DOCK9: variants seen among roughly 807,000 people sequenced by gnomAD.
DOCK9 encodes dedicator of cytokinesis 9.
A neutral mutation model predicts 263.3 loss-of-function variants in DOCK9; 89 were observed. The ratio of observed to expected loss-of-function variants is 0.34; its 90% CI spans 0.28 to 0.40. The LOEUF is 0.40. DOCK9 is among the 10% of genes least tolerant of loss of function. DOCK9 has a pLI of 1.00. For synonymous variants in DOCK9, 976 were observed against 973.1 expected (o/e 1.00, Z -0.06); for missense variants, 2,140 against 2,603.4 (o/e 0.82, Z 3.87).
intron 15 of DOCK9, among the ~76,000 whole-genome samples, chr13:98,892,715 C>T (rs569994755): frequency 7.2e-5 from 11 of 152,222 alleles, no homozygotes; most frequent in Middle Eastern, 6.8e-3. Flanking sequence ...AAGCTACTTA[C>T]GGCATATGAG....
intron 43 of DOCK9, 74 bp from the exon 44 acceptor site, chr13:98,826,961 TC>T: frequency 8.7e-7 from 1 of 1,154,250 alleles, no homozygotes; most frequent in Non-Finnish European, 1.3e-6. Context: ...CAGACAGAAA[TC>T]TAATCAATGT....
chr13:98,825,828 C>G lies in DOCK9; in HGVS notation c.5023+1002G>C, dbSNP rs745970483. On this transcript the variant is annotated intron_variant, in intron 44 of 52. Coordinates refer to ENST00000682017, the MANE Select transcript of DOCK9 (RefSeq NM_001366683.2). This position sits in a 1 kb window ranked among gnomAD's most constrained non-coding sequence, Gnocchi z 4.1. The stretch of plus-strand genomic sequence containing the variant: ...CCCCCACCACGGGAGGGCACGTGAC[C>G]AGGGCAGGGGGTCCCCGGGGGCTGG... The G allele has an allele frequency of 7.3e-7, 1 of 1,360,622 alleles. No individual in the cohort carries two copies. The highest frequency in any genetic ancestry group is 9.7e-7 in the Non-Finnish European group (1 of 1,032,840). The allele number at this position is 1,360,622 out of a possible 1,614,324, so 84.3% of individuals were successfully genotyped here.
chr13:99,025,853 C>T (rs541803818), intron 1 of DOCK9, among the ~76,000 whole-genome samples: 4 of 152,316 alleles, frequency 2.6e-5, no homozygotes, highest in Admixed American at 2.6e-4. Flanking sequence ...ATATTATGTA[C>T]CAACTTTTAA....
At chr13:99,047,092 T>A (rs1242560087) in intron 1 of DOCK9, among the ~76,000 whole-genome samples, 3 of 152,194 alleles carry the variant, frequency 2.0e-5, no homozygotes, top group Admixed American at 6.5e-5. Context: ...GTTGGACTAT[T>A]CATGGGGGTC....
chr13:98,974,638 T>C (rs939603313), intron 1 of DOCK9, among the ~76,000 whole-genome samples: 1 of 149,210 alleles, frequency 6.7e-6, no homozygotes, highest in Non-Finnish European at 1.5e-5. Flanking sequence ...TAATTACAGC[T>C]ACGCAGGAGG....
chr13:98,990,039 C>T (rs1345307779), intron 1 of DOCK9, among the ~76,000 whole-genome samples: 4 of 152,232 alleles, frequency 2.6e-5, no homozygotes, highest in South Asian at 2.1e-4. Context: ...TAGTGTTCTG[C>T]TGCCTACAAT....
intron 1 of DOCK9, among the ~76,000 whole-genome samples, chr13:99,074,991 G>T (rs537016883): frequency 2.7e-4 from 41 of 152,178 alleles, no homozygotes; most frequent in Non-Finnish European, 5.0e-4. Context: ...AATATGTACT[G>T]TAGTTAATTT....
intron 37 of DOCK9, chr13:98,846,442 T>C (rs1038757991): frequency 1.7e-6 from 2 of 1,168,136 alleles, no homozygotes; most frequent in Admixed American, 3.9e-5. Flanking sequence ...TTTTTTTAAT[T>C]AAAAAATGCA....
At chr13:99,060,809 A>C (rs1417793233) in intron 1 of DOCK9, among the ~76,000 whole-genome samples, 2 of 152,188 alleles carry the variant, frequency 1.3e-5, no homozygotes, top group Non-Finnish European at 2.9e-5. Flanking sequence ...TTAGGTCCTG[A>C]CCAGACTGTA....
chr13:99,055,815 C>G (rs935835726), intron 1 of DOCK9, among the ~76,000 whole-genome samples: 1 of 151,648 alleles, frequency 6.6e-6, no homozygotes, highest in African/African-American at 2.4e-5. Context: ...ACACTAGATA[C>G]AGGCTAAGAC....
upstream of DOCK9, among the ~76,000 whole-genome samples, chr13:98,982,936 CGT>C (rs1395588034): frequency 6.6e-6 from 1 of 152,014 alleles, no homozygotes; most frequent in Non-Finnish European, 1.5e-5. Context: ...TACAAATAAA[CGT>C]GTTTTTAGCA....
At chr13:98,915,532 AC>A (rs2050749340) in intron 7 of DOCK9, 29 bp from the exon 8 acceptor site, 1 of 1,585,332 alleles carries the variant, frequency 6.3e-7, no homozygotes, top group Non-Finnish European at 8.6e-7. Context: ...AAACAGACAT[AC>A]TTTAAAAGAA....
At chr13:98,836,596 G>A (rs1007752997) in intron 39 of DOCK9, among the ~76,000 whole-genome samples, 16 of 152,068 alleles carry the variant, frequency 1.1e-4, no homozygotes, top group Admixed American at 2.6e-4. Flanking sequence ...CTTCTACCCC[G>A]AGCTCATTTT....
At chr13:98,953,245 A>G (rs570872465) in intron 2 of DOCK9, among the ~76,000 whole-genome samples, 9 of 152,298 alleles carry the variant, frequency 5.9e-5, no homozygotes, top group African/African-American at 2.2e-4. Flanking sequence ...AAGCTCCTAA[A>G]TCTCTAGGAA....
At chr13:99,041,726 G>A (rs947238562) in intron 1 of DOCK9, among the ~76,000 whole-genome samples, 1 of 152,088 alleles carries the variant, frequency 6.6e-6, no homozygotes, top group Admixed American at 6.5e-5. Context: ...ATATAATGAA[G>A]GATCTTGAAA....
At chr13:99,068,073 A>G (rs2041504579) in intron 1 of DOCK9, among the ~76,000 whole-genome samples, 2 of 152,048 alleles carry the variant, frequency 1.3e-5, no homozygotes, top group Non-Finnish European at 1.5e-5. Flanking sequence ...CCCAGCATTG[A>G]TACTCTAGAC....
At chr13:98,875,900 G>C (rs561780270) in intron 27 of DOCK9, among the ~76,000 whole-genome samples, 2 of 152,268 alleles carry the variant, frequency 1.3e-5, no homozygotes, top group Admixed American at 1.3e-4. Context: ...GTACAGTTTG[G>C]TTGGCTGGGG....
intron 1 of DOCK9, among the ~76,000 whole-genome samples, chr13:99,058,025 G>A (rs572357461): frequency 6.6e-6 from 1 of 152,162 alleles, no homozygotes; most frequent in South Asian, 2.1e-4. Context: ...CAAAACAGAG[G>A]GGGAAGGGTA....
At chr13:99,008,230 ATATATTT>A (rs1224357524) in intron 1 of DOCK9, among the ~76,000 whole-genome samples, 8 of 114,404 alleles carry the variant, frequency 7.0e-5, no homozygotes, top group East Asian at 2.4e-4. Flanking sequence ...ATATATATAT[ATATATTT>A]TTTTTTTTTT....
Sources: gnomAD v4.1 joint callset for allele counts (sites outside exome capture counted in the v4.1 genomes callset) on GRCh38, gnomAD v4.1.1 for gene constraint, Gnocchi (gnomAD v3.1) non-coding constraint, MANE v1.5 for transcripts, NCBI Gene and HGNC (gene_info 2026-07-23, HGNC 2026-07-21) for gene names.